The following FAM193A variants were observed in gnomAD, a reference collection of about 807,000 sequenced individuals.
The protein encoded by FAM193A is family with sequence similarity 193 member A.
FAM193A carries 22 observed loss-of-function variants against 126.5 expected under a neutral mutation model. That is an observed-to-expected ratio of 0.17 (90% confidence interval 0.12 to 0.25). The LOEUF is 0.25. Ranked by LOEUF, FAM193A falls within the 10% of genes least tolerant of loss-of-function variation. The probability of loss-of-function intolerance (pLI) is 1.00; values close to 1 mark genes in which losing one functional copy is unlikely to be tolerated. For missense variants in FAM193A, 1,675 were observed against 1,672.8 expected (o/e 1.00, Z -0.02); for synonymous variants, 761 against 646.8 (o/e 1.18, Z -2.68).
intron 13 of FAM193A, among the ~76,000 whole-genome samples, chr4:2,682,265 C>T (rs960698432): frequency 1.3e-5 from 2 of 152,008 alleles, no homozygotes; most frequent in Admixed American, 6.6e-5. Flanking sequence ...ATTACAGGCG[C>T]GAGCCACCTT....
At chr4:2,616,119 A>G (rs1431719289) in intron 2 of FAM193A, among the ~76,000 whole-genome samples, 1 of 152,174 alleles carries the variant, frequency 6.6e-6, no homozygotes, top group Non-Finnish European at 1.5e-5. Flanking sequence ...AAATGTAACT[A>G]TGGATTGGTA....
chr4:2,721,764 C>T (rs1048679129), intron 20 of FAM193A, among the ~76,000 whole-genome samples: 1 of 152,160 alleles, frequency 6.6e-6, no homozygotes, highest in Admixed American at 6.6e-5. Context: ...TTGTGCCTCC[C>T]GTGCAACCCC....
chr4:2,625,680 CTGCT>C (rs1455614887), intron 3 of FAM193A: 10 of 248,342 alleles, frequency 4.0e-5, no homozygotes, highest in African/African-American at 2.1e-4. Context: ...GCCTGACTGG[CTGCT>C]TCTCAGTGGC....
chr4:2,611,135 G>A (rs946987551), intron 2 of FAM193A, among the ~76,000 whole-genome samples: 30 of 152,286 alleles, frequency 2.0e-4, no homozygotes, highest in African/African-American at 6.0e-4. Context: ...ATACTGTTCT[G>A]CAGCCACGTA....
At chr4:2,643,359 A>G (rs1239148083) in intron 6 of FAM193A, among the ~76,000 whole-genome samples, 2 of 152,188 alleles carry the variant, frequency 1.3e-5, no homozygotes, top group African/African-American at 4.8e-5. Flanking sequence ...CAATTCACCC[A>G]CTTAAAATGT....
chr4:2,550,771 TTTTATTTATTTA>T (rs71178475), intron 1 of FAM193A, among the ~76,000 whole-genome samples: 53,225 of 139,816 alleles, frequency 0.38, 10,980 homozygotes, highest in Admixed American at 0.54. Context: ...CAATTTATAT[TTTTATTTATTTA>T]TTTATTTATT....
chr4:2,543,531 C>T (rs951316794), intron 1 of FAM193A, among the ~76,000 whole-genome samples: 2 of 151,794 alleles, frequency 1.3e-5, no homozygotes, highest in Non-Finnish European at 2.9e-5. Flanking sequence ...ACCCTCCCCG[C>T]CACTGCTCTA....
chr4:2,716,632 C>T (rs372990102), intron 20 of FAM193A, among the ~76,000 whole-genome samples: 8 of 152,300 alleles, frequency 5.3e-5, no homozygotes, highest in East Asian at 1.9e-4. Flanking sequence ...AGTGCTTGTT[C>T]TATAATGTTT....
intron 1 of FAM193A, among the ~76,000 whole-genome samples, chr4:2,560,315 C>T (rs544177893): frequency 2.6e-5 from 4 of 152,270 alleles, no homozygotes; most frequent in South Asian, 4.1e-4. Flanking sequence ...GGAGACCATG[C>T]GCTGTCCCCA....
At chr4:2,711,741 G>C (rs1719000809) in intron 19 of FAM193A, among the ~76,000 whole-genome samples, 1 of 151,796 alleles carries the variant, frequency 6.6e-6, no homozygotes, top group African/African-American at 2.4e-5. Context: ...TTGAGGTCAG[G>C]AGTTCGGAAA....
chr4:2,661,749 C>T (rs138419794), intron 10 of FAM193A, among the ~76,000 whole-genome samples: 1 of 152,278 alleles, frequency 6.6e-6, no homozygotes, highest in East Asian at 1.9e-4. Flanking sequence ...GCTGTGTGCC[C>T]AGGCTGAAGA....
At chr4:2,610,008 G>C (rs1388010293) in intron 2 of FAM193A, among the ~76,000 whole-genome samples, 3 of 151,534 alleles carry the variant, frequency 2.0e-5, no homozygotes, top group Non-Finnish European at 4.4e-5. Context: ...GAGGCAGATG[G>C]GTCACCTGAG....
intron 12 of FAM193A, among the ~76,000 whole-genome samples, chr4:2,665,564 A>G (rs969233335): frequency 2.6e-5 from 4 of 152,076 alleles, no homozygotes; most frequent in African/African-American, 9.7e-5. Context: ...GCTGGAGTGC[A>G]CTGCTGCAGT....
chr4:2,546,732 G>T (rs1483988292), intron 1 of FAM193A, among the ~76,000 whole-genome samples: 1 of 152,142 alleles, frequency 6.6e-6, no homozygotes, highest in Non-Finnish European at 1.5e-5. Flanking sequence ...CCATAAACAT[G>T]TCTATACAGG....
intron 2 of FAM193A, among the ~76,000 whole-genome samples, chr4:2,623,617 C>T (rs550225272): frequency 6.6e-6 from 1 of 152,300 alleles, no homozygotes; most frequent in East Asian, 1.9e-4. Flanking sequence ...TTGTGCTTGG[C>T]TCAGCAGCAG....
chr4:2,559,183 A>G (rs1306519812), intron 1 of FAM193A, among the ~76,000 whole-genome samples: 5 of 152,166 alleles, frequency 3.3e-5, no homozygotes, highest in Non-Finnish European at 7.3e-5. Context: ...CCTGTATTCC[A>G]CTGGGAATGC....
At chr4:2,680,698 A>G (rs376849153) in intron 13 of FAM193A, among the ~76,000 whole-genome samples, 20 of 151,648 alleles carry the variant, frequency 1.3e-4, no homozygotes, top group South Asian at 1.2e-3. Flanking sequence ...CTGAAGTGCA[A>G]TGGCACCATC....
intron 12 of FAM193A, among the ~76,000 whole-genome samples, chr4:2,669,334 C>G (rs1323504476): frequency 6.6e-6 from 1 of 152,070 alleles, no homozygotes; most frequent in East Asian, 1.9e-4. Flanking sequence ...AAAAAATAGA[C>G]CAGGCATGGG....
intron 13 of FAM193A, among the ~76,000 whole-genome samples, chr4:2,680,269 A>C (rs1577193599): frequency 6.6e-6 from 1 of 151,986 alleles, no homozygotes; most frequent in East Asian, 1.9e-4. Context: ...GTTTCTAAAA[A>C]TTTTTTCATT....
Sources: gnomAD v4.1 joint callset for allele counts (sites outside exome capture counted in the v4.1 genomes callset) on GRCh38, gnomAD v4.1.1 for gene constraint, MANE v1.5 for transcripts, NCBI Gene and HGNC (gene_info 2026-07-23, HGNC 2026-07-21) for gene names.